The following SCAND3 variants were observed in gnomAD, a reference collection of about 807,000 sequenced individuals.
SCAND3 encodes the protein SCAN domain-containing protein 3.
chr6:28,584,609 A>G, the SCAND3 span, among the ~76,000 whole-genome samples: 572 of 152,348 alleles, frequency 3.8e-3, 5 homozygotes, highest in Non-Finnish European at 6.5e-3. Context: ...TTTCTAGAGT[A>G]CTTCCAGTCC....
At chr6:28,574,620 T>G in the SCAND3 span, 1 of 1,588,388 alleles carries the variant, frequency 6.3e-7, no homozygotes, top group Non-Finnish European at 8.6e-7. Flanking sequence ...CCTGCTTTCA[T>G]CTACGGCAGA....
the SCAND3 span, among the ~76,000 whole-genome samples, chr6:28,614,216 G>A: frequency 6.6e-6 from 1 of 151,924 alleles, no homozygotes; most frequent in African/African-American, 2.4e-5. Context: ...CACCCGCCTC[G>A]GCCTCCCAAA....
the SCAND3 span, among the ~76,000 whole-genome samples, chr6:28,597,409 C>G: frequency 2.0e-5 from 3 of 152,332 alleles, no homozygotes; most frequent in Non-Finnish European, 4.4e-5. Flanking sequence ...CTTAACCACT[C>G]GGCCACCTCG....
chr6:28,580,837 A>G, the SCAND3 span, among the ~76,000 whole-genome samples: 4,714 of 119,066 alleles, frequency 0.04, 161 homozygotes, highest in African/African-American at 0.11. Context: ...TAGTCTCTTG[A>G]TTCCTCTACT....
the SCAND3 span, among the ~76,000 whole-genome samples, chr6:28,594,947 A>G: frequency 6.6e-6 from 1 of 152,112 alleles, no homozygotes; most frequent in Non-Finnish European, 1.5e-5. Flanking sequence ...TCAGATAGAC[A>G]AGAGGAATGT....
the SCAND3 span, chr6:28,616,054 G>A: frequency 3.3e-5 from 5 of 152,168 alleles, no homozygotes; most frequent in East Asian, 5.8e-4. The surrounding 1 kb of genome is among the most constrained non-coding windows in gnomAD (Gnocchi z 4.3). Flanking sequence ...TATAAACGCT[G>A]GTACATCTTC....
chr6:28,572,762 A>G, the SCAND3 span: 5 of 1,613,990 alleles, frequency 3.1e-6, no homozygotes, highest in Middle Eastern at 1.7e-4. This position sits in a 1 kb window ranked among gnomAD's most constrained non-coding sequence, Gnocchi z 4.1. Flanking sequence ...ATATTATCAC[A>G]TAATAAAGAG....
At chr6:28,607,152 G>A in the SCAND3 span, among the ~76,000 whole-genome samples, 1 of 152,206 alleles carries the variant, frequency 6.6e-6, no homozygotes, top group African/African-American at 2.4e-5. Flanking sequence ...ACCTGTCTGT[G>A]GTTGGGGGTG....
At chr6:28,602,707 T>G in the SCAND3 span, among the ~76,000 whole-genome samples, 1 of 152,184 alleles carries the variant, frequency 6.6e-6, no homozygotes, top group African/African-American at 2.4e-5. Flanking sequence ...AGCTTTATGA[T>G]TTTTGCTACT....
chr6:28,576,708 A>G, the SCAND3 span, among the ~76,000 whole-genome samples: 2 of 152,062 alleles, frequency 1.3e-5, no homozygotes, highest in Admixed American at 1.3e-4. Context: ...GGATTGAAGC[A>G]CTGTTTTATG....
the SCAND3 span, chr6:28,575,561 T>G: frequency 2.7e-5 from 43 of 1,614,016 alleles, no homozygotes; most frequent in Admixed American, 4.3e-4. The surrounding 1 kb of genome is among the most constrained non-coding windows in gnomAD (Gnocchi z 4.2). Flanking sequence ...TTCAACTGCA[T>G]GTCTATAAGA....
At chr6:28,583,369 G>A in the SCAND3 span, among the ~76,000 whole-genome samples, 6 of 149,270 alleles carry the variant, frequency 4.0e-5, no homozygotes, top group African/African-American at 7.5e-5. Context: ...GGGACAGAGC[G>A]AGACTCTGTC....
chr6:28,610,920 C>A, the SCAND3 span, among the ~76,000 whole-genome samples: 2 of 152,178 alleles, frequency 1.3e-5, no homozygotes, highest in Non-Finnish European at 2.9e-5. Flanking sequence ...TAAAATACTG[C>A]ATTCCCTTAG....
chr6:28,596,569 T>C, the SCAND3 span, among the ~76,000 whole-genome samples: 1 of 151,996 alleles, frequency 6.6e-6, no homozygotes, highest in African/African-American at 2.4e-5. Flanking sequence ...TTTGGAATCA[T>C]GTGAATGCAG....
the SCAND3 span, among the ~76,000 whole-genome samples, chr6:28,608,456 C>T: frequency 6.6e-6 from 1 of 152,118 alleles, no homozygotes; most frequent in Non-Finnish European, 1.5e-5. Context: ...ACATGTTGAA[C>T]TCATTTTACA....
the SCAND3 span, chr6:28,586,841 A>C: frequency 1.4e-6 from 1 of 731,108 alleles, no homozygotes; most frequent in Non-Finnish European, 2.2e-6. This position sits in a 1 kb window ranked among gnomAD's most constrained non-coding sequence, Gnocchi z 4.4. Flanking sequence ...AACACTCAAC[A>C]CAGGACAACT....
the SCAND3 span, among the ~76,000 whole-genome samples, chr6:28,583,763 G>C: frequency 4.5e-4 from 68 of 152,330 alleles, no homozygotes; most frequent in African/African-American, 1.6e-3. Context: ...GAAGTGAAAA[G>C]CTCTTGGGAG....
the SCAND3 span, chr6:28,575,139 T>G: frequency 6.2e-6 from 10 of 1,614,180 alleles, no homozygotes; most frequent in Non-Finnish European, 8.5e-6. The surrounding 1 kb of genome is among the most constrained non-coding windows in gnomAD (Gnocchi z 4.2). Context: ...CAGAGCTAAA[T>G]GCACTTTCAC....
chr6:28,584,418 C>T, the SCAND3 span, among the ~76,000 whole-genome samples: 2 of 151,824 alleles, frequency 1.3e-5, no homozygotes, highest in Non-Finnish European at 2.9e-5. Flanking sequence ...AAATATCTGC[C>T]CTGTCATCTA....
Sources: allele counts gnomAD v4.1 joint callset (sites outside exome capture counted in the v4.1 genomes callset), GRCh38; gene constraint gnomAD v4.1.1; non-coding constraint Gnocchi (gnomAD v3.1); transcripts MANE v1.5; gene names NCBI Gene and HGNC (gene_info 2026-07-23, HGNC 2026-07-21).